The following ABHD2 variants were observed in gnomAD, a reference collection of about 807,000 sequenced individuals.
ABHD2 encodes abhydrolase domain containing 2, acylglycerol lipase.
A neutral mutation model predicts 48.1 loss-of-function variants in ABHD2; 20 were observed. The ratio of observed to expected loss-of-function variants is 0.42; its 90% CI spans 0.29 to 0.60. ABHD2 has a LOEUF of 0.60. Ranked by LOEUF, ABHD2 falls within the 20% of genes least tolerant of loss-of-function variation. The pLI, the probability that ABHD2 is intolerant of heterozygous loss-of-function variation, is 0.24. For missense variants in ABHD2, 405 were observed against 550.9 expected (o/e 0.74, Z 2.65); for synonymous variants, 209 against 214.2 (o/e 0.98, Z 0.21).
chr15:89,091,714 A>C lies in ABHD2; in HGVS notation c.-107+3151A>C, dbSNP rs1019955017. Among the ~76,000 whole-genome samples the C allele has an allele frequency of 6.6e-6, 1 of 152,190 alleles. No individual in the cohort carries two copies. Among genetic ancestry groups the C allele is most frequent in the African/African-American group, 2.4e-5 (1 of 41,452 alleles). On this transcript the variant is annotated intron_variant, in intron 1 of 10. Coordinates refer to ENST00000352732, the MANE Select transcript of ABHD2 (RefSeq NM_152924.5). The surrounding 1 kb of genome is among the most constrained non-coding windows in gnomAD (Gnocchi z 5.5). Reference sequence around the variant, plus strand: ...AAGCCCCAGGAGAGAGACATTTCCAATATAATTGAATTTTGTGTGGCAGAA... The same window carrying C: ...AAGCCCCAGGAGAGAGACATTTCCACTATAATTGAATTTTGTGTGGCAGAA...
At chr15:89,156,777 T>C (rs1452563012) in intron 5 of ABHD2, among the ~76,000 whole-genome samples, 1 of 152,168 alleles carries the variant, frequency 6.6e-6, no homozygotes, top group Non-Finnish European at 1.5e-5. Context: ...CTGCTTGTTC[T>C]TGATTCTTAT....
At chr15:89,048,347 A>C in the ABHD2 span, among the ~76,000 whole-genome samples, 1 of 151,982 alleles carries the variant, frequency 6.6e-6, no homozygotes, top group African/African-American at 2.4e-5. Context: ...CCTTCATTTC[A>C]ACTTTGGTGA....
At chr15:89,064,925 C>T in the ABHD2 span, among the ~76,000 whole-genome samples, 1 of 152,024 alleles carries the variant, frequency 6.6e-6, no homozygotes, top group Non-Finnish European at 1.5e-5. Flanking sequence ...ACCTGCAGGC[C>T]CTGCCCCATC....
chr15:89,079,346 TTGGAAA>T, the ABHD2 span, among the ~76,000 whole-genome samples: 4 of 152,196 alleles, frequency 2.6e-5, no homozygotes, highest in Non-Finnish European at 5.9e-5. The surrounding 1 kb of genome is among the most constrained non-coding windows in gnomAD (Gnocchi z 4.3). Context: ...AAAACCCTTT[TTGGAAA>T]AAGCACAGGC....
chr15:89,054,074 C>T, the ABHD2 span, among the ~76,000 whole-genome samples: 6,640 of 152,252 alleles, frequency 0.044, 403 homozygotes, highest in African/African-American at 0.13. Flanking sequence ...GTAATCCCAG[C>T]ACTTTGGGAT....
At position 89,166,320 on chromosome 15, in the gene ABHD2, G is replaced by C. The variant is rs1365629506; in HGVS notation, c.539-9492G>C. 6.6e-6 allele frequency among the ~76,000 whole-genome samples: 1 copy of C among 152,074 alleles called. No individual in the cohort carries two copies. The highest frequency in any genetic ancestry group is 1.5e-5 in the Non-Finnish European group (1 of 68,012). On this transcript the variant is annotated intron_variant, in intron 5 of 10. Coordinates refer to ENST00000352732, the MANE Select transcript of ABHD2 (RefSeq NM_152924.5). The surrounding 1 kb of genome is among the most constrained non-coding windows in gnomAD (Gnocchi z 4.6). ...CGAATATTTAAATTGCTTTTTTCCTGTGAGTTTAAACAGGGAAGAAGTGGG... is the reference window on the plus strand; with the variant it reads ...CGAATATTTAAATTGCTTTTTTCCTCTGAGTTTAAACAGGGAAGAAGTGGG...
Position 89,193,285 on chromosome 15 carries a change from T to C in ABHD2, c.1047T>C (p.His349=), listed in dbSNP as rs771126649. 12 of 1,614,248 alleles carry C rather than the reference T, an allele frequency of 7.4e-6. No individual in the cohort carries two copies. The highest frequency in any genetic ancestry group is 1.0e-5 in the Non-Finnish European group (12 of 1,180,030). ...LVNAADDPLV[H]ESLLTIPKSL... is the part of the protein sequence containing the mutation. Reference sequence around the variant, plus strand: ...ATGCAGCTGACGATCCGTTGGTGCATGAAAGTCTTCTAACCATTCCAAAAT... The same window carrying C: ...ATGCAGCTGACGATCCGTTGGTGCACGAAAGTCTTCTAACCATTCCAAAAT... The change falls in exon 10 of 11, where the codon CAT becomes CAC. Residue 349 remains histidine, a synonymous_variant. Coordinates refer to ENST00000352732, the MANE Select transcript of ABHD2 (RefSeq NM_152924.5).
At chr15:89,044,863 A>T in the ABHD2 span, among the ~76,000 whole-genome samples, 1 of 151,712 alleles carries the variant, frequency 6.6e-6, no homozygotes, top group Non-Finnish European at 1.5e-5. Flanking sequence ...TTGCCTGTTC[A>T]CTCTGATGGT....
rs934713215 is a variant in ABHD2 at position 89,167,872 on chromosome 15, C to T, written c.539-7940C>T. ...AACTGTATTTTTCTCTTAGGCTAAA[C>T]TTAGTGGGAAAGATATTCAAGTACC... On this transcript the variant is annotated intron_variant, in intron 5 of 10. Coordinates refer to ENST00000352732, the MANE Select transcript of ABHD2 (RefSeq NM_152924.5). The surrounding 1 kb of genome is among the most constrained non-coding windows in gnomAD (Gnocchi z 5.5). Among the ~76,000 whole-genome samples the T allele has an allele frequency of 6.6e-6, 1 of 152,190 alleles. No individual in the cohort carries two copies. The highest frequency in any genetic ancestry group is 1.5e-5 in the Non-Finnish European group (1 of 68,032).
At position 89,137,074 on chromosome 15, in the gene ABHD2, C is replaced by T. The variant is rs957514868; in HGVS notation, c.195-14603C>T. 6.6e-6 allele frequency among the ~76,000 whole-genome samples: 1 copy of T among 152,210 alleles called. No homozygotes were observed. Among genetic ancestry groups the T allele is most frequent in the African/African-American group, 2.4e-5 (1 of 41,442 alleles). ...GTGGTGCCTTCTCCTAAAGTTAGGT[C>T]ACTAATCTTTGACTGGCTGTTTGCA... On this transcript the variant is annotated intron_variant, in intron 3 of 10. Coordinates refer to ENST00000352732, the MANE Select transcript of ABHD2 (RefSeq NM_152924.5). This position sits in a 1 kb window ranked among gnomAD's most constrained non-coding sequence, Gnocchi z 4.8.
At chr15:89,056,228 G>A in the ABHD2 span, among the ~76,000 whole-genome samples, 6 of 152,032 alleles carry the variant, frequency 3.9e-5, no homozygotes, top group South Asian at 8.3e-4. Context: ...GTAACTATTC[G>A]TATCTTCCTA....
At position 89,155,788 on chromosome 15, in the gene ABHD2, G is replaced by A. The variant is rs1016363536; in HGVS notation, c.538+254G>A. On this transcript the variant is annotated intron_variant, in intron 5 of 10. Transcript: ENST00000352732. This position sits in a 1 kb window ranked among gnomAD's most constrained non-coding sequence, Gnocchi z 4.9. ...CTTACAGGGGAAAGTCTTGCCCAAG[G>A]TCCCCTAGCTAGTAAGAGTCACAGC... Among the ~76,000 whole-genome samples, 2 of 152,176 alleles carry A rather than the reference G, an allele frequency of 1.3e-5. No homozygotes were observed. Among genetic ancestry groups the A allele is most frequent in the Non-Finnish European group, 2.9e-5 (2 of 68,028 alleles).
At chr15:89,043,480 G>GAGAGA in the ABHD2 span, among the ~76,000 whole-genome samples, 1 of 147,624 alleles carries the variant, frequency 6.8e-6, no homozygotes. Context: ...AGAAGGAGAG[G>GAGAGA]AAGAAGGGGG....
chr15:89,148,322 C>T (rs6496558), intron 3 of ABHD2, among the ~76,000 whole-genome samples: 58,843 of 151,844 alleles, frequency 0.39, 12,129 homozygotes, highest in East Asian at 0.79. Context: ...CATGAATCAG[C>T]GAAATGCAAA....
the ABHD2 span, among the ~76,000 whole-genome samples, chr15:89,067,320 T>G: frequency 2.6e-5 from 4 of 152,246 alleles, no homozygotes; most frequent in African/African-American, 9.6e-5. Context: ...TAGCATTTTC[T>G]TTGAAGCATA....
chr15:89,071,204 G>T, the ABHD2 span, among the ~76,000 whole-genome samples: 10 of 152,116 alleles, frequency 6.6e-5, no homozygotes, highest in Non-Finnish European at 1.0e-4. Context: ...TGGATCACCT[G>T]AGGTCAGGAG....
At position 89,155,840 on chromosome 15, in the gene ABHD2, A is replaced by G. The variant is rs2050664608; in HGVS notation, c.538+306A>G. 6.6e-6 allele frequency among the ~76,000 whole-genome samples: 1 copy of G among 152,154 alleles called. No individual in the cohort carries two copies. Among genetic ancestry groups the G allele is most frequent in the South Asian group, 2.1e-4 (1 of 4,824 alleles). ...GGGCTGGGAGCCAGGTAGATCGGGT[A>G]GCAGAGCTCATGACCTTCAGGACTG... is the stretch of plus-strand genomic sequence containing the variant. On this transcript the variant is annotated intron_variant, in intron 5 of 10. Coordinates refer to ENST00000352732, the MANE Select transcript of ABHD2 (RefSeq NM_152924.5). The surrounding 1 kb of genome is among the most constrained non-coding windows in gnomAD (Gnocchi z 4.9).
At chr15:89,046,444 A>G in the ABHD2 span, among the ~76,000 whole-genome samples, 3 of 151,518 alleles carry the variant, frequency 2.0e-5, no homozygotes, top group African/African-American at 7.3e-5. Flanking sequence ...CTCTTTTTCT[A>G]TTGATTGGAA....
intron 5 of ABHD2, among the ~76,000 whole-genome samples, chr15:89,165,773 T>G (rs2050829583): frequency 6.6e-6 from 1 of 152,226 alleles, no homozygotes; most frequent in South Asian, 2.1e-4. Flanking sequence ...GCAGTAGACA[T>G]GTTGGCTTAC....
Sources: gnomAD v4.1 joint callset for allele counts (sites outside exome capture counted in the v4.1 genomes callset) on GRCh38, gnomAD v4.1.1 for gene constraint, Gnocchi (gnomAD v3.1) non-coding constraint, MANE v1.5 for transcripts, NCBI Gene and HGNC (gene_info 2026-07-23, HGNC 2026-07-21) for gene names.